Variants in TRDMT1 observed in about 807,000 individuals in gnomAD.
TRDMT1 encodes tRNA (cytosine(38)-C(5))-methyltransferase.
In TRDMT1, 49 loss-of-function variants were observed where a neutral mutation model predicts 51.2. The observed-to-expected ratio is 0.96, with a 90% CI of 0.76 to 1.21. The LOEUF (loss-of-function observed/expected upper bound fraction) is 1.21. Ranked by LOEUF, TRDMT1 falls within the 50% of genes most tolerant of loss-of-function variation. The pLI is 0.00. For synonymous variants in TRDMT1, 187 were observed against 164.6 expected (o/e 1.14, Z -1.04); for missense variants, 534 against 462.3 (o/e 1.16, Z -1.42).
At chr10:17,168,349 T>C (rs1841492551) in intron 3 of TRDMT1, among the ~76,000 whole-genome samples, 1 of 152,164 alleles carries the variant, frequency 6.6e-6, no homozygotes, top group Non-Finnish European at 1.5e-5. Context: ...CATAAGTAGA[T>C]AGAAGGATTT....
intron 10 of TRDMT1, among the ~76,000 whole-genome samples, chr10:17,152,649 C>A (rs927674994): frequency 1.3e-5 from 2 of 152,148 alleles, no homozygotes; most frequent in Admixed American, 6.5e-5. Context: ...TGGGAGCATG[C>A]CCACCCCAGG....
At chr10:17,162,404 T>C (rs140023693) in intron 3 of TRDMT1, among the ~76,000 whole-genome samples, 167 bp from the exon 4 acceptor site, 192 of 152,262 alleles carry the variant, frequency 1.3e-3, no homozygotes, top group Middle Eastern at 0.01. Context: ...AATACATTTA[T>C]TCATTTATAA....
At chr10:17,190,086 C>T (rs1194280026) in intron 1 of TRDMT1, among the ~76,000 whole-genome samples, 1 of 152,080 alleles carries the variant, frequency 6.6e-6, no homozygotes, top group East Asian at 1.9e-4. Flanking sequence ...GTAAAAGAAA[C>T]CATTGGTCCA....
chr10:17,166,781 T>C (rs1588568801), intron 3 of TRDMT1, among the ~76,000 whole-genome samples: 1 of 151,848 alleles, frequency 6.6e-6, no homozygotes. Context: ...AAGGGGGAGG[T>C]GGGAGTAGGA....
intron 1 of TRDMT1, among the ~76,000 whole-genome samples, chr10:17,176,185 T>A (rs981252717): frequency 2.2e-4 from 33 of 152,212 alleles, no homozygotes; most frequent in African/African-American, 8.0e-4. Context: ...CTAATCACTG[T>A]AAGAGAGCTG....
intron 10 of TRDMT1, 129 bp downstream of exon 10, chr10:17,153,378 T>C: frequency 2.8e-6 from 3 of 1,067,486 alleles, no homozygotes; most frequent in Non-Finnish European, 4.0e-6. Context: ...ATGCCATAAA[T>C]GGCATGATCA....
chr10:17,151,846 ACT>A (rs1838779632), intron 10 of TRDMT1: 1 of 943,908 alleles, frequency 1.1e-6, no homozygotes, highest in Admixed American at 5.3e-5. Context: ...TATCACAATA[ACT>A]CTATGAAGCA....
intron 1 of TRDMT1, among the ~76,000 whole-genome samples, chr10:17,195,705 G>C (rs188638499): frequency 3.9e-5 from 6 of 152,022 alleles, no homozygotes; most frequent in Admixed American, 3.9e-4. Flanking sequence ...TTGTCTAATG[G>C]GAAGTTAAAG....
rs1482114025 is a variant in TRDMT1, at chr10:17,201,662, G to C, written c.-28C>G. The C allele has an allele frequency of 1.3e-6, 2 of 1,533,570 alleles. No individual in the cohort carries two copies. Among genetic ancestry groups the C allele is most frequent in the Non-Finnish European group, 1.8e-6 (2 of 1,140,180 alleles). The allele number at this position is 1,533,570 out of a possible 1,614,324, so 95.0% of individuals were successfully genotyped here. A position where few individuals can be genotyped will look rare whatever the true frequency, so the allele number is the denominator to read the frequency against. On this transcript the variant is annotated 5_prime_UTR_variant, in exon 1 of 11. Coordinates refer to ENST00000377799, the MANE Select transcript of TRDMT1 (RefSeq NM_004412.7). ...CCGCGCCTCAGCCGCCGCAGCCCCG[G>C]AGCTAGGCCTGCCGGTCCGTCGCTC...
At chr10:17,199,611 G>C (rs1845892927) in intron 1 of TRDMT1, among the ~76,000 whole-genome samples, 1 of 152,130 alleles carries the variant, frequency 6.6e-6, no homozygotes, top group Non-Finnish European at 1.5e-5. Context: ...TTGAAGAGAA[G>C]ACAGAAGCCA....
At chr10:17,157,090 T>C (rs889359841) in intron 8 of TRDMT1, among the ~76,000 whole-genome samples, 5 of 152,210 alleles carry the variant, frequency 3.3e-5, no homozygotes, top group Admixed American at 2.0e-4. Context: ...ACATTGATCA[T>C]AAGAGTGAAC....
chr10:17,168,654 C>G (rs1050067859), intron 3 of TRDMT1, among the ~76,000 whole-genome samples, 187 bp downstream of exon 3: 2 of 152,194 alleles, frequency 1.3e-5, no homozygotes, highest in African/African-American at 2.4e-5. Flanking sequence ...CACAACATCT[C>G]TCTCTTTACC....
At chr10:17,169,889 C>T (rs1841736883) in intron 2 of TRDMT1, among the ~76,000 whole-genome samples, 1 of 152,138 alleles carries the variant, frequency 6.6e-6, no homozygotes, top group South Asian at 2.1e-4. Context: ...TCCTAAAGCA[C>T]TTCTCGACTC....
At position 17,148,166 on chromosome 10, in the gene TRDMT1, A is replaced by G. The variant is rs968223133; in HGVS notation, c.*874T>C. The G allele has an allele frequency of 2.0e-6, 2 of 985,324 alleles. No homozygotes were observed. Among genetic ancestry groups the G allele is most frequent in the Non-Finnish European group, 2.4e-6 (2 of 829,948 alleles). The allele number at this position is 985,324 out of a possible 1,614,324, so 61.0% of individuals were successfully genotyped here. ...GAGACAGAGAAAGTTAAAAGTCATA[A>G]AAGTTCATTGAGAGTGTATGTTGCT... On this transcript the variant is annotated 3_prime_UTR_variant, in exon 11 of 11. Transcript: ENST00000377799.
intron 9 of TRDMT1, 144 bp from the exon 10 acceptor site, chr10:17,153,780 C>A: frequency 1.5e-6 from 1 of 686,780 alleles, no homozygotes. Flanking sequence ...TGGCTCTGTG[C>A]AATAGACTAC....
At chr10:17,169,287 C>A in intron 2 of TRDMT1, 1 of 1,138,242 alleles carries the variant, frequency 8.8e-7, no homozygotes, top group African/African-American at 1.6e-5. Flanking sequence ...GAGATGGGGT[C>A]TAGGAAATTT....
chr10:17,155,799 T>C (rs995872603), intron 8 of TRDMT1, among the ~76,000 whole-genome samples: 3 of 152,224 alleles, frequency 2.0e-5, no homozygotes, highest in African/African-American at 4.8e-5. Flanking sequence ...GTCTTTTTCA[T>C]ATATATTACA....
chr10:17,169,447 T>C (rs879205813), intron 2 of TRDMT1: 47 of 1,289,386 alleles, frequency 3.6e-5, no homozygotes, highest in South Asian at 3.3e-4. Flanking sequence ...TTTGCAGTTG[T>C]GTGCAATGAA....
At chr10:17,165,850 T>A (rs1004545417) in intron 3 of TRDMT1, among the ~76,000 whole-genome samples, 3 of 152,108 alleles carry the variant, frequency 2.0e-5, no homozygotes, top group Non-Finnish European at 2.9e-5. Context: ...AGAATGGCAA[T>A]CATTAAAAAC....
Sources: allele counts gnomAD v4.1 joint callset (sites outside exome capture counted in the v4.1 genomes callset), GRCh38; gene constraint gnomAD v4.1.1; transcripts MANE v1.5; gene names NCBI Gene and HGNC (gene_info 2026-07-23, HGNC 2026-07-21).